Variants in MEF2A observed in about 807,000 individuals in gnomAD.
The protein encoded by MEF2A is myocyte-specific enhancer factor 2A.
A neutral mutation model predicts 55.8 loss-of-function variants in MEF2A; 28 were observed. The observed-to-expected ratio is 0.50, with a 90% CI of 0.37 to 0.69. The LOEUF is 0.69. Among genes scored for constraint, MEF2A ranks in the 30% least tolerant of loss-of-function variants. MEF2A has a pLI of 0.00. For missense variants in MEF2A, 528 were observed against 626.2 expected (o/e 0.84, Z 1.67); for synonymous variants, 239 against 227.1 (o/e 1.05, Z -0.47).
chr15:99,707,883 C>T (rs981565098), intron 10 of MEF2A, among the ~76,000 whole-genome samples: 4 of 151,882 alleles, frequency 2.6e-5, no homozygotes, highest in African/African-American at 9.7e-5. Flanking sequence ...ATTTGATTGC[C>T]ACTTGAATTC....
intron 3 of MEF2A, among the ~76,000 whole-genome samples, chr15:99,634,822 C>T (rs2043505921): frequency 6.6e-6 from 1 of 152,136 alleles, no homozygotes; most frequent in Non-Finnish European, 1.5e-5. Flanking sequence ...CCAAATGGGG[C>T]AAGGACTATC....
intron 8 of MEF2A, among the ~76,000 whole-genome samples, chr15:99,695,906 A>C (rs1176696068): frequency 6.6e-6 from 1 of 152,116 alleles, no homozygotes; most frequent in East Asian, 1.9e-4. Flanking sequence ...TCCACTTTAA[A>C]TATAAAGACA....
intron 2 of MEF2A, among the ~76,000 whole-genome samples, chr15:99,608,551 GT>G (rs1975950018): frequency 6.6e-6 from 1 of 152,054 alleles, no homozygotes; most frequent in Admixed American, 6.6e-5. Context: ...TCCTGTTTTT[GT>G]TTTGGTGTAT....
chr15:99,610,821 A>G (rs913815968), intron 2 of MEF2A, among the ~76,000 whole-genome samples: 2 of 152,260 alleles, frequency 1.3e-5, no homozygotes, highest in African/African-American at 4.8e-5. Context: ...TATATAGGCT[A>G]AGTCTTCATG....
At chr15:99,570,366 A>C (rs1438060089) in intron 1 of MEF2A, among the ~76,000 whole-genome samples, 1 of 152,230 alleles carries the variant, frequency 6.6e-6, no homozygotes, top group Non-Finnish European at 1.5e-5. Flanking sequence ...CTTCAAAAAC[A>C]AAATAAACAA....
At chr15:99,682,948 A>T (rs2053517324) in intron 7 of MEF2A, among the ~76,000 whole-genome samples, 1 of 152,220 alleles carries the variant, frequency 6.6e-6, no homozygotes, top group Non-Finnish European at 1.5e-5. Flanking sequence ...TTGTATATTT[A>T]AAAAATTATT....
Position 99,643,850 on chromosome 15 carries a change from C to A in MEF2A, c.55-1711C>A, listed in dbSNP as rs138943604. Among the ~76,000 whole-genome samples, 79 of 152,252 alleles carry A rather than the reference C, an allele frequency of 5.2e-4. 2 individuals carry two copies. In the East Asian group the frequency reaches 0.012, roughly 23 times the overall value. On this transcript the variant is annotated intron_variant, in intron 3 of 11. Transcript: ENST00000557942. Reference sequence around the variant, plus strand: ...TCGTGATTCGCCTGCCTCAGCCTCCCAAAGTGCTGGGATTACGGGCGTGAG... The same window carrying A: ...TCGTGATTCGCCTGCCTCAGCCTCCAAAAGTGCTGGGATTACGGGCGTGAG...
intron 2 of MEF2A, among the ~76,000 whole-genome samples, chr15:99,622,131 A>C (rs1208131993): frequency 6.6e-6 from 1 of 152,242 alleles, no homozygotes; most frequent in Non-Finnish European, 1.5e-5. Flanking sequence ...ATATCTTTTA[A>C]ATTAAGACAG....
intron 2 of MEF2A, among the ~76,000 whole-genome samples, chr15:99,631,704 C>T (rs1355067406): frequency 1.3e-5 from 2 of 151,002 alleles, no homozygotes; most frequent in East Asian, 3.9e-4. Flanking sequence ...TTTGGAAGTA[C>T]ATTTATTAGA....
In MEF2A at chr15:99,674,388, T is replaced by A. The variant is rs1284311686; in HGVS notation, c.391-5T>A. ...AGTTTTTTCCTTCTTTTTCTTTATT[T>A]ACAGCCTGGTCTGCCACCTCAGAAC... On this transcript the variant is annotated splice_polypyrimidine_tract_variant and splice_region_variant and intron_variant, in intron 5 of 11. Transcript: ENST00000557942. 1.3e-6 allele frequency: 2 copies of A among 1,591,418 alleles called. No homozygotes were observed. The highest frequency in any genetic ancestry group is 1.7e-6 in the Non-Finnish European group (2 of 1,165,524).
At chr15:99,642,318 T>C (rs996583526) in intron 3 of MEF2A, among the ~76,000 whole-genome samples, 2 of 152,222 alleles carry the variant, frequency 1.3e-5, no homozygotes, top group Admixed American at 1.3e-4. Context: ...GAATATGCCA[T>C]GAATTTGATT....
At chr15:99,709,800 G>C (rs1024117644) in intron 10 of MEF2A, among the ~76,000 whole-genome samples, 3 of 152,198 alleles carry the variant, frequency 2.0e-5, no homozygotes, top group Middle Eastern at 6.4e-3. Context: ...GATATGAGCT[G>C]GGTATACTCT....
chr15:99,619,180 G>A (rs1322793108), intron 2 of MEF2A, among the ~76,000 whole-genome samples: 1 of 152,172 alleles, frequency 6.6e-6, no homozygotes, highest in Non-Finnish European at 1.5e-5. Context: ...GATTTCTGTG[G>A]TAGGGCTGGG....
At chr15:99,686,679 C>A (rs2054284304) in intron 7 of MEF2A, among the ~76,000 whole-genome samples, 1 of 152,182 alleles carries the variant, frequency 6.6e-6, no homozygotes, top group Non-Finnish European at 1.5e-5. Context: ...TTTAGATAAT[C>A]TGATTACTGT....
chr15:99,611,596 C>A (rs1939126698), intron 2 of MEF2A, among the ~76,000 whole-genome samples: 1 of 152,144 alleles, frequency 6.6e-6, no homozygotes, highest in Non-Finnish European at 1.5e-5. Context: ...CTTCAGACTC[C>A]TTAGAGAGTA....
In MEF2A at chr15:99,571,989, T is replaced by G. The variant is rs117087545; in HGVS notation, c.-225+5885T>G. Among the ~76,000 whole-genome samples, 65 of 151,192 alleles carry G rather than the reference T, an allele frequency of 4.3e-4. No individual in the cohort carries two copies. In the East Asian group the frequency reaches 6.8e-3, roughly 16 times the overall value. ...GCAGTAATTTTCTAAGTGGGCTGCT[T>G]CTTTTTCTTCTTGCTCCATAGAAGT... On this transcript the variant is annotated intron_variant, in intron 1 of 11. Transcript: ENST00000557942.
chr15:99,586,686 T>G (rs1000701370), intron 1 of MEF2A, among the ~76,000 whole-genome samples: 4 of 152,208 alleles, frequency 2.6e-5, no homozygotes, highest in African/African-American at 7.2e-5. Context: ...GTTTTCTCCC[T>G]TATGGATACC....
At chr15:99,600,030 G>A (rs1426097582) in intron 2 of MEF2A, among the ~76,000 whole-genome samples, 1 of 152,050 alleles carries the variant, frequency 6.6e-6, no homozygotes, top group East Asian at 1.9e-4. Context: ...GAGGATCCTG[G>A]AACCAATTTC....
chr15:99,716,288 G>A lies in MEF2A; in HGVS notation c.*3517G>A. On this transcript the variant is annotated 3_prime_UTR_variant, in exon 12 of 12. Coordinates refer to ENST00000557942, the MANE Select transcript of MEF2A (RefSeq NM_001319206.4). ...TAAAACCGTTTGGCGGCACAAGCTG[G>A]ACTTTGTTGCCATCCTTGAGATGAA... 1 of 345,304 alleles carries A rather than the reference G, an allele frequency of 2.9e-6. No individual in the cohort carries two copies. The highest frequency in any genetic ancestry group is 5.7e-6 in the Non-Finnish European group (1 of 173,974). 21.4% of individuals were successfully genotyped at this position (345,304 alleles called of 1,614,324 possible).
Sources: gnomAD v4.1 joint callset for allele counts (sites outside exome capture counted in the v4.1 genomes callset) on GRCh38, gnomAD v4.1.1 for gene constraint, MANE v1.5 for transcripts, NCBI Gene and HGNC (gene_info 2026-07-23, HGNC 2026-07-21) for gene names.